The following DPP6 variants were observed in gnomAD, a reference collection of about 807,000 sequenced individuals.
The protein encoded by DPP6 is dipeptidyl peptidase like 6.
Under a neutral mutation model 122.6 loss-of-function variants are expected in DPP6, and 69 were observed. The observed-to-expected ratio is 0.56, with a 90% CI of 0.46 to 0.69. DPP6 has a LOEUF of 0.69. Ranked by LOEUF, DPP6 falls within the 30% of genes least tolerant of loss-of-function variation. The probability of loss-of-function intolerance (pLI) is 0.00; values close to 1 mark genes in which losing one functional copy is unlikely to be tolerated. For missense variants in DPP6, 928 were observed against 1,116.9 expected, an observed-to-expected ratio of 0.83 and a Z score of 2.41; for synonymous variants, 418 against 433.1, an observed-to-expected ratio of 0.97 and a Z score of 0.43.
chr7:154,672,963 G>A (rs1028574733), intron 7 of DPP6, among the ~76,000 whole-genome samples: 2 of 152,126 alleles, frequency 1.3e-5, no homozygotes, highest in African/African-American at 4.8e-5. Context: ...TTGGCCTATG[G>A]GTTATAGTTT....
rs148443722 is a variant in DPP6, at chr7:154,424,709, C to T, written c.244-21505C>T. Among the ~76,000 whole-genome samples the T allele has an allele frequency of 3.3e-3, 508 of 152,284 alleles. 12 individuals are homozygous for T. The highest frequency in any genetic ancestry group is 0.025 in the Admixed American group (387 of 15,306). Reference sequence around the variant, plus strand: ...GAATTAGGATTTAGATGTCTTTGGGCGGCCTTGTTCATTACAATGAAGCAA... The same window carrying T: ...GAATTAGGATTTAGATGTCTTTGGGTGGCCTTGTTCATTACAATGAAGCAA... On this transcript the variant is annotated intron_variant, in intron 1 of 25. Coordinates refer to ENST00000377770, the MANE Select transcript of DPP6 (RefSeq NM_130797.4).
At chr7:154,005,126 A>G (rs1375945786) in intron 1 of DPP6, among the ~76,000 whole-genome samples, 1 of 152,212 alleles carries the variant, frequency 6.6e-6, no homozygotes, top group African/African-American at 2.4e-5. Context: ...CCAAGGGTAT[A>G]TACACTGTCA....
intron 1 of DPP6, among the ~76,000 whole-genome samples, chr7:154,289,798 C>CG (rs1320276014): frequency 5.3e-5 from 8 of 152,124 alleles, no homozygotes; most frequent in African/African-American, 1.7e-4. Context: ...CCAACCCCAG[C>CG]GTCTGATGGG....
At chr7:154,277,404 G>A (rs574063722) in intron 1 of DPP6, among the ~76,000 whole-genome samples, 8 of 152,244 alleles carry the variant, frequency 5.3e-5, no homozygotes, top group East Asian at 1.9e-4. Context: ...ATCTCCATTC[G>A]TACACAAATA....
intron 2 of DPP6, among the ~76,000 whole-genome samples, chr7:154,458,365 T>G (rs1349946537): frequency 6.6e-6 from 1 of 152,214 alleles, no homozygotes; most frequent in African/African-American, 2.4e-5. Flanking sequence ...CTCCTTTGCC[T>G]TCCACCATGA....
chr7:154,371,378 C>CAAAAAAAAAAA (rs1167770083), intron 1 of DPP6, among the ~76,000 whole-genome samples: 150 of 47,718 alleles, frequency 3.1e-3, no homozygotes, highest in Non-Finnish European at 4.1e-3. Context: ...AACTCTGTCT[C>CAAAAAAAAAAA]AAAAAAAAAA....
chr7:154,871,960 C>T (rs150437996), intron 18 of DPP6, among the ~76,000 whole-genome samples: 78 of 152,310 alleles, frequency 5.1e-4, no homozygotes, highest in African/African-American at 1.8e-3. Flanking sequence ...CTCCCTCACC[C>T]ACTGGATTTC....
At chr7:154,294,497 A>G (rs1465780818) in intron 1 of DPP6, among the ~76,000 whole-genome samples, 1 of 152,160 alleles carries the variant, frequency 6.6e-6, no homozygotes, top group Non-Finnish European at 1.5e-5. Context: ...GTATGAACTG[A>G]GCCTTCTCTG....
chr7:154,270,239 C>T (rs1308696257), intron 1 of DPP6, among the ~76,000 whole-genome samples: 1 of 152,072 alleles, frequency 6.6e-6, no homozygotes, highest in East Asian at 1.9e-4. Flanking sequence ...TGTTACCACC[C>T]GGTTTTGCAG....
At chr7:154,837,045 T>C (rs1316300472) in intron 16 of DPP6, among the ~76,000 whole-genome samples, 1 of 152,238 alleles carries the variant, frequency 6.6e-6, no homozygotes, top group Non-Finnish European at 1.5e-5. Flanking sequence ...TGTGGGCATG[T>C]CTGTGGCCAA....
In DPP6 at chr7:154,820,500, C is replaced by T. The variant is rs73730381; in HGVS notation, c.1666+13388C>T. Among the ~76,000 whole-genome samples the T allele has an allele frequency of 5.2e-3, 799 of 152,292 alleles. 12 individuals carry two copies. The highest frequency in any genetic ancestry group is 0.019 in the African/African-American group (780 of 41,546). On this transcript the variant is annotated intron_variant, in intron 16 of 25. Transcript: ENST00000377770. ...GTTGCCCCCAAAAGCCTGGATCACG[C>T]TGACGTAAATGAATACGGCTTCTTA... is the stretch of plus-strand genomic sequence containing the variant.
At chr7:154,619,328 C>T (rs908591685) in intron 5 of DPP6, among the ~76,000 whole-genome samples, 2 of 152,190 alleles carry the variant, frequency 1.3e-5, no homozygotes, top group South Asian at 2.1e-4. Flanking sequence ...AGCCTCGTAG[C>T]GTTACCTATT....
chr7:154,005,045 A>T (rs1185817257), intron 1 of DPP6, among the ~76,000 whole-genome samples: 5 of 152,208 alleles, frequency 3.3e-5, no homozygotes, highest in Non-Finnish European at 7.3e-5. Flanking sequence ...CAGACCTGAA[A>T]AAAAAAAGCA....
chr7:154,232,042 A>G (rs774293537), intron 1 of DPP6, among the ~76,000 whole-genome samples: 55 of 152,174 alleles, frequency 3.6e-4, no homozygotes, highest in Admixed American at 7.9e-4. Context: ...ATGGTGCAGC[A>G]CTACAGGGAC....
At chr7:154,062,096 A>AC (rs1802054765) in intron 1 of DPP6, among the ~76,000 whole-genome samples, 3 of 99,740 alleles carry the variant, frequency 3.0e-5, no homozygotes, top group African/African-American at 7.5e-5. Flanking sequence ...CCCCCATCGC[A>AC]GAGGGGGGAC....
At chr7:154,612,823 T>C (rs542077532) in intron 5 of DPP6, among the ~76,000 whole-genome samples, 1 of 152,360 alleles carries the variant, frequency 6.6e-6, no homozygotes, top group South Asian at 2.1e-4. Context: ...TTATCTTGTA[T>C]TTTAGGCATT....
intron 1 of DPP6, among the ~76,000 whole-genome samples, chr7:154,199,197 A>G (rs1037266166): frequency 2.0e-5 from 3 of 152,004 alleles, no homozygotes; most frequent in African/African-American, 4.8e-5. Flanking sequence ...ACATTTGGAG[A>G]AGGCTTGTGG....
intron 2 of DPP6, among the ~76,000 whole-genome samples, chr7:154,474,524 T>G (rs1822554247): frequency 6.6e-6 from 1 of 152,216 alleles, no homozygotes; most frequent in Admixed American, 6.5e-5. Context: ...GTCTTTGAAT[T>G]CTCAGCAGCT....
chr7:154,133,576 C>T (rs2150640547), intron 1 of DPP6, among the ~76,000 whole-genome samples: 1 of 152,290 alleles, frequency 6.6e-6, no homozygotes, highest in East Asian at 1.9e-4. Flanking sequence ...GAAAGTCATT[C>T]TCCTTCGACT....
Sources: allele counts gnomAD v4.1 joint callset (sites outside exome capture counted in the v4.1 genomes callset), GRCh38; gene constraint gnomAD v4.1.1; transcripts MANE v1.5; gene names NCBI Gene and HGNC (gene_info 2026-07-23, HGNC 2026-07-21).